The following CDH18 variants were observed in gnomAD, a reference collection of about 807,000 sequenced individuals.
CDH18 encodes the protein cadherin 18, also known as cadherin-18.
CDH18 carries 31 observed loss-of-function variants against 67.9 expected under a neutral mutation model. The observed-to-expected ratio is 0.46, with a 90% CI of 0.34 to 0.62. CDH18 has a LOEUF of 0.62. Ranked by LOEUF, CDH18 falls within the 20% of genes least tolerant of loss-of-function variation. The probability of loss-of-function intolerance (pLI) is 0.01; values close to 1 mark genes in which losing one functional copy is unlikely to be tolerated. For synonymous variants in CDH18, 362 were observed against 347.2 expected (o/e 1.04, Z -0.48); for missense variants, 890 against 975.5 (o/e 0.91, Z 1.17).
At chr5:20,488,616 C>A (rs778621056) in intron 1 of CDH18, among the ~76,000 whole-genome samples, 22 of 149,976 alleles carry the variant, frequency 1.5e-4, no homozygotes, top group Non-Finnish European at 2.7e-4. Flanking sequence ...TGGTCGTTGC[C>A]TTGGTAACGA....
intron 2 of CDH18, among the ~76,000 whole-genome samples, chr5:20,207,087 G>GA (rs201975874): frequency 0.014 from 2,095 of 146,628 alleles, 48 homozygotes; most frequent in African/African-American, 0.048. Flanking sequence ...TGCTAATATA[G>GA]AAAAAAAAAC....
intron 2 of CDH18, among the ~76,000 whole-genome samples, chr5:20,078,776 TTTTTTGTGTGTGTGTTTTTA>T (rs1744187290): frequency 6.6e-6 from 1 of 151,786 alleles, no homozygotes; most frequent in Non-Finnish European, 1.5e-5. Context: ...CTAATATATT[TTTTTTGTGTGTGTGTTTTTA>T]GCAGAGACAG....
chr5:20,144,946 A>C (rs1390190895), intron 2 of CDH18, among the ~76,000 whole-genome samples: 1 of 152,154 alleles, frequency 6.6e-6, no homozygotes, highest in African/African-American at 2.4e-5. Context: ...ATGCCCCAAA[A>C]TTGGCTAAAA....
intron 2 of CDH18, among the ~76,000 whole-genome samples, chr5:19,926,143 A>C (rs1793059513): frequency 6.6e-6 from 1 of 152,166 alleles, no homozygotes. Flanking sequence ...TATTTATTGA[A>C]AAAAATTGCA....
intron 2 of CDH18, among the ~76,000 whole-genome samples, chr5:20,061,999 C>T (rs1370466574): frequency 2.6e-5 from 4 of 152,006 alleles, no homozygotes; most frequent in Admixed American, 6.6e-5. Flanking sequence ...CACTGATTTA[C>T]TGATTTAATC....
intron 2 of CDH18, among the ~76,000 whole-genome samples, chr5:20,002,356 A>G (rs1015592882): frequency 6.6e-6 from 1 of 152,218 alleles, no homozygotes; most frequent in Non-Finnish European, 1.5e-5. Context: ...GATAGAGACT[A>G]ACTTCAGTCA....
At chr5:19,746,577 C>T (rs984973324) in intron 4 of CDH18, among the ~76,000 whole-genome samples, 1 of 152,116 alleles carries the variant, frequency 6.6e-6, no homozygotes, top group African/African-American at 2.4e-5. Flanking sequence ...TCTTTCTTCT[C>T]TGCAAATAAT....
intron 2 of CDH18, among the ~76,000 whole-genome samples, chr5:19,841,052 C>T (rs960680268): frequency 1.3e-5 from 2 of 152,084 alleles, no homozygotes; most frequent in South Asian, 2.1e-4. Context: ...GATTTGGTCA[C>T]GAAGGAAAAA....
At chr5:20,465,567 G>C (rs953063708) in intron 1 of CDH18, among the ~76,000 whole-genome samples, 2 of 151,934 alleles carry the variant, frequency 1.3e-5, no homozygotes, top group African/African-American at 4.8e-5. Context: ...AATACATATG[G>C]AGTAATAAAT....
intron 2 of CDH18, among the ~76,000 whole-genome samples, chr5:19,949,095 T>C (rs1795543884): frequency 6.6e-6 from 1 of 152,116 alleles, no homozygotes; most frequent in South Asian, 2.1e-4. Flanking sequence ...GAATCAAATA[T>C]TTCATTAGCC....
At chr5:20,034,348 T>G (rs1323693931) in intron 2 of CDH18, among the ~76,000 whole-genome samples, 1 of 152,052 alleles carries the variant, frequency 6.6e-6, no homozygotes, top group Non-Finnish European at 1.5e-5. Flanking sequence ...CCTGGCTTGT[T>G]TTTATGCAAA....
At chr5:20,409,141 C>CAA (rs372383458) in intron 1 of CDH18, among the ~76,000 whole-genome samples, 315 of 151,778 alleles carry the variant, frequency 2.1e-3, no homozygotes, top group African/African-American at 7.4e-3. Flanking sequence ...CTTAAGGAAA[C>CAA]ATGATGTAAG....
At chr5:19,748,466 C>A (rs1014255922) in intron 3 of CDH18, among the ~76,000 whole-genome samples, 4 of 152,040 alleles carry the variant, frequency 2.6e-5, no homozygotes, top group Non-Finnish European at 5.9e-5. Flanking sequence ...TCCAAGAGTG[C>A]CAGTGCTATA....
intron 1 of CDH18, among the ~76,000 whole-genome samples, chr5:20,340,026 T>G (rs1210385047): frequency 2.0e-5 from 3 of 152,148 alleles, no homozygotes; most frequent in Non-Finnish European, 4.4e-5. Context: ...CACCAGAGAA[T>G]GGAGAAGGAA....
chr5:19,953,102 G>C (rs1317961069), intron 2 of CDH18, among the ~76,000 whole-genome samples: 1 of 151,966 alleles, frequency 6.6e-6, no homozygotes, highest in East Asian at 1.9e-4. Flanking sequence ...CTATTTTGGG[G>C]TTCACAGGAG....
chr5:20,058,120 A>G (rs184483015), intron 2 of CDH18, among the ~76,000 whole-genome samples: 1 of 152,148 alleles, frequency 6.6e-6, no homozygotes, highest in Non-Finnish European at 1.5e-5. Context: ...TTTATAACAC[A>G]GTTGCCTTAG....
chr5:19,845,219 G>A (rs1581614838), intron 2 of CDH18, among the ~76,000 whole-genome samples: 2 of 151,806 alleles, frequency 1.3e-5, no homozygotes. Flanking sequence ...CTGTTTCCTT[G>A]TTGGTTGACC....
At chr5:20,247,238 A>G (rs578019123) in intron 2 of CDH18, among the ~76,000 whole-genome samples, 1 of 152,320 alleles carries the variant, frequency 6.6e-6, no homozygotes, top group South Asian at 2.1e-4. Context: ...GGTATATTCT[A>G]TAAAATTGGC....
At chr5:20,416,525 T>C (rs991005336) in intron 1 of CDH18, among the ~76,000 whole-genome samples, 1 of 152,106 alleles carries the variant, frequency 6.6e-6, no homozygotes, top group African/African-American at 2.4e-5. Flanking sequence ...ATACCACTTA[T>C]GGAAATCAGT....
Sources: gnomAD v4.1 joint callset for allele counts (sites outside exome capture counted in the v4.1 genomes callset) on GRCh38, gnomAD v4.1.1 for gene constraint, MANE v1.5 for transcripts, NCBI Gene and HGNC (gene_info 2026-07-23, HGNC 2026-07-21) for gene names.